The following STK33 variants were observed in gnomAD, a reference collection of about 807,000 sequenced individuals.
STK33 encodes serine/threonine-protein kinase 33.
In STK33, 52 loss-of-function variants were observed where a neutral mutation model predicts 58.0. The ratio of observed to expected loss-of-function variants is 0.90; its 90% CI spans 0.72 to 1.13. STK33 has a LOEUF of 1.13. Among genes scored for constraint, STK33 ranks in the 50% most tolerant of loss-of-function variants. The pLI is 0.00. For missense variants in STK33, 630 were observed against 604.2 expected, an observed-to-expected ratio of 1.04 and a Z score of -0.45; for synonymous variants, 215 against 200.1, an observed-to-expected ratio of 1.07 and a Z score of -0.63.
At chr11:8,565,795 T>C (rs1349229901) in intron 1 of STK33, 1 of 152,238 alleles carries the variant, frequency 6.6e-6, no homozygotes, top group Non-Finnish European at 1.5e-5. Flanking sequence ...CCAAATATCC[T>C]GTCTGCTTCT....
chr11:8,565,590 C>T (rs1290061919), intron 1 of STK33: 2 of 152,144 alleles, frequency 1.3e-5, no homozygotes, highest in Non-Finnish European at 2.9e-5. Context: ...TAGAACCTAC[C>T]TCACAAGATT....
At chr11:8,421,255 A>G (rs955731540) in intron 14 of STK33, among the ~76,000 whole-genome samples, 1 of 152,198 alleles carries the variant, frequency 6.6e-6, no homozygotes, top group African/African-American at 2.4e-5. Context: ...ATTTCCACTT[A>G]GAGTTTCAAC....
At chr11:8,578,455 T>C (rs1055288035) in intron 1 of STK33, among the ~76,000 whole-genome samples, 45 of 152,054 alleles carry the variant, frequency 3.0e-4, no homozygotes, top group Admixed American at 4.6e-4. Flanking sequence ...TTTCTTCAAC[T>C]GCAACAATAT....
At chr11:8,561,264 T>C (rs1039668626) in intron 1 of STK33, among the ~76,000 whole-genome samples, 1 of 152,156 alleles carries the variant, frequency 6.6e-6, no homozygotes, top group Admixed American at 6.5e-5. Flanking sequence ...TATTGGTTGT[T>C]ATCTTTATGC....
chr11:8,509,414 C>T (rs1441985286), intron 1 of STK33, among the ~76,000 whole-genome samples: 3 of 152,108 alleles, frequency 2.0e-5, no homozygotes, highest in Admixed American at 6.5e-5. Flanking sequence ...AAATAAAATA[C>T]GGGTAGGGTT....
intron 11 of STK33, among the ~76,000 whole-genome samples, chr11:8,447,163 C>T (rs1378554740): frequency 2.0e-5 from 3 of 151,858 alleles, no homozygotes; most frequent in Non-Finnish European, 4.4e-5. Flanking sequence ...TATGAACAGA[C>T]ACTTTTCAAA....
intron 1 of STK33, among the ~76,000 whole-genome samples, chr11:8,562,766 T>A (rs1454019819): frequency 1.3e-5 from 2 of 152,188 alleles, no homozygotes; most frequent in Non-Finnish European, 2.9e-5. Flanking sequence ...AACTTAAAGT[T>A]CATTCATTCA....
chr11:8,526,914 C>T, intron 1 of STK33, among the ~76,000 whole-genome samples: 1 of 145,956 alleles, frequency 6.9e-6, no homozygotes, highest in East Asian at 2.0e-4. Flanking sequence ...GAGACACATA[C>T]CTAGATGGAA....
intron 1 of STK33, among the ~76,000 whole-genome samples, chr11:8,511,916 T>C (rs529757978): frequency 7.4e-4 from 113 of 152,226 alleles, no homozygotes; most frequent in African/African-American, 2.6e-3. Context: ...AAAACAGTAA[T>C]ATTTTAAAGT....
At chr11:8,552,485 G>C (rs949130285) in intron 1 of STK33, among the ~76,000 whole-genome samples, 4 of 151,806 alleles carry the variant, frequency 2.6e-5, no homozygotes, top group Non-Finnish European at 5.9e-5. Flanking sequence ...ATAACACATA[G>C]CTTAAAACAC....
the STK33 span, among the ~76,000 whole-genome samples, chr11:8,341,300 C>A: frequency 4.4e-4 from 67 of 152,290 alleles, no homozygotes; most frequent in East Asian, 8.9e-3. Flanking sequence ...GGACAGCGAC[C>A]CCACAAAGCA....
intron 10 of STK33, 87 bp downstream of exon 10, chr11:8,454,657 C>T: frequency 7.1e-7 from 1 of 1,417,568 alleles, no homozygotes; most frequent in East Asian, 2.8e-5. Context: ...CAAAAGCTAG[C>T]AACATGTGTC....
intron 1 of STK33, among the ~76,000 whole-genome samples, chr11:8,564,511 T>C (rs1331115637): frequency 2.6e-5 from 4 of 152,184 alleles, no homozygotes; most frequent in African/African-American, 9.6e-5. Context: ...GATAAAAAGA[T>C]ATAGAAAGAG....
intron 15 of STK33, among the ~76,000 whole-genome samples, chr11:8,412,149 T>C (rs551733672): frequency 6.6e-6 from 1 of 152,208 alleles, no homozygotes; most frequent in Non-Finnish European, 1.5e-5. Context: ...TGTGAGTATA[T>C]GTGTATACAT....
At chr11:8,516,993 C>T (rs996073348) in intron 1 of STK33, among the ~76,000 whole-genome samples, 2 of 152,198 alleles carry the variant, frequency 1.3e-5, no homozygotes, top group Admixed American at 1.3e-4. Flanking sequence ...GCGGTTCTCT[C>T]AGCACAGAGT....
intron 15 of STK33, among the ~76,000 whole-genome samples, chr11:8,411,851 A>G (rs564073038): frequency 1.3e-5 from 2 of 152,254 alleles, no homozygotes; most frequent in Non-Finnish European, 2.9e-5. Flanking sequence ...ATGTCAACCC[A>G]CTGGTATAGT....
Position 8,454,852 on chromosome 11 carries a change from C to T in STK33, c.698-20G>A. On this transcript the variant is annotated intron_variant, in intron 9 of 15. Coordinates refer to ENST00000687296, the MANE Select transcript of STK33 (RefSeq NM_001352389.2). ...CAATATCTACCAAGAAAATAAACAA[C>T]AAATCAAATGAAATGAATAATGGAA... The T allele has an allele frequency of 6.6e-7, 1 of 1,514,976 alleles. No homozygotes were observed. The highest frequency in any genetic ancestry group is 1.2e-5 in the South Asian group (1 of 80,964). 93.8% of individuals were successfully genotyped at this position (1,514,976 alleles called of 1,614,324 possible).
intron 1 of STK33, among the ~76,000 whole-genome samples, chr11:8,521,285 C>T (rs938739106): frequency 4.6e-5 from 7 of 152,040 alleles, no homozygotes; most frequent in African/African-American, 7.2e-5. Context: ...GAGATATAGA[C>T]CAATGGAACA....
At chr11:8,417,730 TA>T (rs1274781161) in intron 14 of STK33, among the ~76,000 whole-genome samples, 1 of 152,068 alleles carries the variant, frequency 6.6e-6, no homozygotes, top group Non-Finnish European at 1.5e-5. Context: ...CTTCAAAAAA[TA>T]AAATTCAAGT....
Sources: allele counts gnomAD v4.1 joint callset (sites outside exome capture counted in the v4.1 genomes callset), GRCh38; gene constraint gnomAD v4.1.1; transcripts MANE v1.5; gene names NCBI Gene and HGNC (gene_info 2026-07-23, HGNC 2026-07-21).